The following FAM110B variants were observed in gnomAD, a reference collection of about 807,000 sequenced individuals.
FAM110B encodes the protein protein FAM110B.
In FAM110B, 6 loss-of-function variants were observed where a neutral mutation model predicts 20.4. The observed-to-expected ratio is 0.29, with a 90% CI of 0.16 to 0.58. The LOEUF is 0.58. Among genes scored for constraint, FAM110B ranks in the 20% least tolerant of loss-of-function variants. The pLI is 0.90. For missense variants in FAM110B, 434 were observed against 498.2 expected, an observed-to-expected ratio of 0.87 and a Z score of 1.23; for synonymous variants, 226 against 214.1, an observed-to-expected ratio of 1.06 and a Z score of -0.49.
At chr8:58,084,152 C>T (rs1806271171) in intron 3 of FAM110B, among the ~76,000 whole-genome samples, 1 of 152,108 alleles carries the variant, frequency 6.6e-6, no homozygotes, top group Non-Finnish European at 1.5e-5. Flanking sequence ...GTGCTTATGA[C>T]CAAGACCTTG....
At chr8:58,103,225 GGTTA>G (rs558357036) in intron 3 of FAM110B, among the ~76,000 whole-genome samples, 245 of 152,002 alleles carry the variant, frequency 1.6e-3, no homozygotes, top group African/African-American at 5.5e-3. Flanking sequence ...ACAGTGTGCA[GGTTA>G]GTTACATATG....
intron 3 of FAM110B, among the ~76,000 whole-genome samples, chr8:58,079,058 T>A (rs1806116410): frequency 6.6e-6 from 1 of 152,126 alleles, no homozygotes; most frequent in Non-Finnish European, 1.5e-5. Context: ...TGACTCATCA[T>A]CCTCTCATGC....
intron 1 of FAM110B, among the ~76,000 whole-genome samples, chr8:58,010,585 T>C (rs375823450): frequency 1.3e-5 from 2 of 152,182 alleles, no homozygotes; most frequent in East Asian, 3.9e-4. Flanking sequence ...GAGTAAAGAT[T>C]AATAAGATGT....
At chr8:58,108,886 A>G (rs1332101902) in intron 3 of FAM110B, among the ~76,000 whole-genome samples, 4 of 152,182 alleles carry the variant, frequency 2.6e-5, no homozygotes, top group African/African-American at 4.8e-5. Flanking sequence ...ATTCTCAACC[A>G]TGGTTCCTCC....
intron 1 of FAM110B, among the ~76,000 whole-genome samples, chr8:58,012,655 C>T (rs1035338462): frequency 5.3e-5 from 8 of 152,204 alleles, no homozygotes; most frequent in African/African-American, 1.9e-4. Flanking sequence ...AGTGTGGTGG[C>T]AGACAGCCCT....
intron 2 of FAM110B, among the ~76,000 whole-genome samples, chr8:58,050,073 A>G (rs1460161719): frequency 6.6e-6 from 1 of 152,186 alleles, no homozygotes; most frequent in African/African-American, 2.4e-5. Context: ...CAATTTTACC[A>G]TTGCTGAGAA....
chr8:58,003,971 C>A (rs1411550566), intron 1 of FAM110B, among the ~76,000 whole-genome samples: 2 of 152,108 alleles, frequency 1.3e-5, no homozygotes, highest in African/African-American at 4.8e-5. Flanking sequence ...TTTTGACCAG[C>A]AGTCCCCAAC....
At chr8:58,115,011 T>G (rs1807165847) in intron 3 of FAM110B, among the ~76,000 whole-genome samples, 1 of 78,934 alleles carries the variant, frequency 1.3e-5, no homozygotes, top group South Asian at 3.5e-4. Flanking sequence ...AAAGTTGTTT[T>G]TTTTTTTTTT....
intron 3 of FAM110B, among the ~76,000 whole-genome samples, chr8:58,137,962 G>T (rs547436445): frequency 1.3e-5 from 2 of 152,194 alleles, no homozygotes; most frequent in South Asian, 2.1e-4. Flanking sequence ...GCTCAGGGCC[G>T]CATTGGCTTG....
At chr8:58,102,671 T>A (rs1465828808) in intron 3 of FAM110B, among the ~76,000 whole-genome samples, 1 of 152,190 alleles carries the variant, frequency 6.6e-6, no homozygotes, top group Non-Finnish European at 1.5e-5. Context: ...CTTTCTTGTC[T>A]GCCACTGCCC....
chr8:58,093,610 T>C (rs1373797024), intron 3 of FAM110B, among the ~76,000 whole-genome samples: 2 of 152,208 alleles, frequency 1.3e-5, no homozygotes, highest in African/African-American at 4.8e-5. Flanking sequence ...GGTCTATACA[T>C]CTGTTTTGAT....
chr8:58,060,125 A>C (rs1459750043), intron 2 of FAM110B, among the ~76,000 whole-genome samples: 1 of 152,150 alleles, frequency 6.6e-6, no homozygotes, highest in Non-Finnish European at 1.5e-5. Context: ...TGTTGGGATT[A>C]CAGTGTCTTT....
chr8:58,034,410 T>A (rs1178161010), intron 2 of FAM110B, among the ~76,000 whole-genome samples: 3 of 152,206 alleles, frequency 2.0e-5, no homozygotes, highest in Non-Finnish European at 4.4e-5. Flanking sequence ...CCCTGACCCC[T>A]TTCCTGTCCA....
intron 1 of FAM110B, among the ~76,000 whole-genome samples, chr8:58,029,018 C>T (rs781616248): frequency 1.2e-4 from 18 of 152,202 alleles, no homozygotes; most frequent in Non-Finnish European, 1.9e-4. Flanking sequence ...TGGTGCTTTT[C>T]GGTTCTCATG....
chr8:58,039,973 T>C (rs532782785), intron 2 of FAM110B, among the ~76,000 whole-genome samples: 5 of 151,784 alleles, frequency 3.3e-5, no homozygotes, highest in Non-Finnish European at 7.4e-5. Flanking sequence ...AAAATTTTTT[T>C]AATTAAATTT....
chr8:58,019,336 C>CAAAAAAAAAAAAA (rs61622368), intron 1 of FAM110B, among the ~76,000 whole-genome samples: 1 of 78,372 alleles, frequency 1.3e-5, no homozygotes, highest in African/African-American at 5.2e-5. Flanking sequence ...GACTCTGTCT[C>CAAAAAAAAAAAAA]AAAAAAAAAA....
intron 2 of FAM110B, among the ~76,000 whole-genome samples, chr8:58,053,986 A>G (rs1006671763): frequency 6.6e-6 from 1 of 152,210 alleles, no homozygotes; most frequent in African/African-American, 2.4e-5. Flanking sequence ...ATGGACAGAA[A>G]AAAGAAAGTG....
At chr8:58,023,301 T>C (rs1804791841) in intron 1 of FAM110B, among the ~76,000 whole-genome samples, 1 of 152,182 alleles carries the variant, frequency 6.6e-6, no homozygotes, top group African/African-American at 2.4e-5. Flanking sequence ...TTTTGTGAGT[T>C]CCTTACCCCT....
In FAM110B at chr8:58,148,422, T is replaced by C. The variant is rs190313936; in HGVS notation, c.*1079T>C. 12 of 167,194 alleles carry C rather than the reference T, an allele frequency of 7.2e-5. No individual in the cohort carries two copies. The Admixed American group carries it at 7.8e-4, about 11-fold the overall frequency. The allele number at this position is 167,194 out of a possible 1,614,324, so 10.4% of individuals were successfully genotyped here. ...ATATGTTATTCTCTCAGGCTGTGGA[T>C]CTTTGTTACAGCTCTAGGAAACTGT... On this transcript the variant is annotated 3_prime_UTR_variant, in exon 4 of 4. Coordinates refer to ENST00000519262, the MANE Select transcript of FAM110B (RefSeq NM_001377989.1).
Sources: allele counts gnomAD v4.1 joint callset (sites outside exome capture counted in the v4.1 genomes callset), GRCh38; gene constraint gnomAD v4.1.1; transcripts MANE v1.5; gene names NCBI Gene and HGNC (gene_info 2026-07-23, HGNC 2026-07-21).